The following CYB5R3 variants were observed in gnomAD, a reference collection of about 807,000 sequenced individuals.
CYB5R3 encodes NADH-cytochrome b5 reductase 3.
A neutral mutation model predicts 36.5 loss-of-function variants in CYB5R3; 28 were observed. The ratio of observed to expected loss-of-function variants is 0.77; its 90% CI spans 0.57 to 1.05. CYB5R3 has a LOEUF of 1.05. Ranked by LOEUF, CYB5R3 falls within the 50% of genes least tolerant of loss-of-function variation. CYB5R3 has a pLI of 0.00. For missense variants in CYB5R3, 474 were observed against 408.9 expected, an observed-to-expected ratio of 1.16 and a Z score of -1.37; for synonymous variants, 181 against 159.8, an observed-to-expected ratio of 1.13 and a Z score of -1.00.
chr22:42,630,905 C>T lies in CYB5R3; in HGVS notation c.310G>A (p.Gly104Ser), dbSNP rs1299251737. The change falls in exon 4 of 9, where the codon GGC becomes AGC. Residue 104 changes from glycine (G) to serine (S), a missense_variant. Gly to Ser is a moderately conservative substitution (Grantham distance 56, BLOSUM62 0). Transcript: ENST00000352397. ...YTPISSDDDK[G>S]FVDLVIKVYF... is the part of the protein sequence containing the mutation. Reference sequence around the variant, plus strand: ...ACCTTGATGACCAGGTCCACGAAGCCCTTGTCATCATCGCTGGAGATGGGT... The same window carrying T: ...ACCTTGATGACCAGGTCCACGAAGCTCTTGTCATCATCGCTGGAGATGGGT... 1.2e-6 allele frequency: 2 copies of T among 1,613,836 alleles called. No individual in the cohort carries two copies. Among genetic ancestry groups the T allele is most frequent in the Non-Finnish European group, 1.7e-6 (2 of 1,179,920 alleles).
At position 42,627,349 on chromosome 22, in the gene CYB5R3, C is replaced by G; in HGVS notation, c.588G>C (p.Lys196Asn). 6.2e-7 allele frequency: 1 copy of G among 1,613,994 alleles called. No homozygotes were observed. The highest frequency in any genetic ancestry group is 2.2e-5 in the East Asian group (1 of 44,870). Residue 196 changes from lysine (K) to asparagine (N), a missense_variant, in exon 7 of 9, where the codon AAG becomes AAC. By Grantham distance (94) the Lys-to-Asn change is moderately conservative. Coordinates refer to ENST00000352397, the MANE Select transcript of CYB5R3 (RefSeq NM_000398.7). ...PMLQVIRAIM[K>N]DPDDHTVCHL... Reference sequence around the variant, plus strand: ...GGCACACAGTGTGGTCATCAGGGTCCTTCATGATGGCGCGGATCACCTGCA... The same window carrying G: ...GGCACACAGTGTGGTCATCAGGGTCGTTCATGATGGCGCGGATCACCTGCA...
intron 1 of CYB5R3, among the ~76,000 whole-genome samples, chr22:42,645,356 G>A (rs1929488470): frequency 6.6e-6 from 1 of 152,186 alleles, no homozygotes; most frequent in East Asian, 1.9e-4. Flanking sequence ...CCAGAACCAG[G>A]ACAAGAGCCC....
chr22:42,639,955 A>T lies in CYB5R3; in HGVS notation c.22-3109T>A. On this transcript the variant is annotated intron_variant, in intron 1 of 8. Transcript: ENST00000352397. Reference sequence around the variant, plus strand: ...AAATCAAATATAATCAGATGTTAAGACTGGTCTTCAAACATTCTAGCCAAT... The same window carrying T: ...AAATCAAATATAATCAGATGTTAAGTCTGGTCTTCAAACATTCTAGCCAAT... 3.7e-6 allele frequency: 6 copies of T among 1,607,102 alleles called. 1 individual carries two copies. Among genetic ancestry groups the T allele is most frequent in the Non-Finnish European group, 5.1e-6 (6 of 1,178,626 alleles).
intron 8 of CYB5R3, among the ~76,000 whole-genome samples, chr22:42,620,620 C>T (rs1351947493): frequency 1.3e-5 from 2 of 152,154 alleles, no homozygotes; most frequent in African/African-American, 2.4e-5. Flanking sequence ...AGCCTCAGGC[C>T]AGGAGGGCTG....
At chr22:42,640,323 C>T (rs754371108) in intron 1 of CYB5R3, 2 of 1,467,540 alleles carry the variant, frequency 1.4e-6, no homozygotes, top group African/African-American at 1.4e-5. Context: ...CTGAAGGTCA[C>T]CCCCCGGAAG....
chr22:42,631,248 A>C, intron 3 of CYB5R3, 130 bp downstream of exon 3: 1 of 967,046 alleles, frequency 1.0e-6, no homozygotes, highest in Non-Finnish European at 1.6e-6. Flanking sequence ...TCAAAGGCCC[A>C]GGGCAGCTGT....
intron 1 of CYB5R3, among the ~76,000 whole-genome samples, chr22:42,645,834 G>A (rs907380745): frequency 2.0e-5 from 3 of 152,098 alleles, no homozygotes; most frequent in South Asian, 2.1e-4. Context: ...GACCATCACC[G>A]TCGGTCAGTC....
chr22:42,628,327 G>C lies in CYB5R3; in HGVS notation c.334-46C>G, dbSNP rs1357583493. On this transcript the variant is annotated intron_variant, in intron 4 of 8. Transcript: ENST00000352397. ...CCTCAGTCCCCAGCTCCAGGTCTCA[G>C]GGGCGAGCTCTTGCCCACAGTGGGA... is the stretch of plus-strand genomic sequence containing the variant. 11 of 1,610,372 alleles carry C rather than the reference G, an allele frequency of 6.8e-6. No homozygotes were observed. In the Middle Eastern group the frequency reaches 4.9e-4, roughly 72 times the overall value.
chr22:42,632,856 G>A (rs34373836), intron 2 of CYB5R3: 312 of 152,044 alleles, frequency 2.1e-3, no homozygotes, highest in Non-Finnish European at 3.5e-3. Context: ...GAGAAATCCC[G>A]TCTCTACTAA....
intron 1 of CYB5R3, among the ~76,000 whole-genome samples, chr22:42,648,852 A>ATC (rs1556036171): frequency 2.0e-5 from 3 of 151,606 alleles, no homozygotes; most frequent in Non-Finnish European, 4.4e-5. Context: ...ACACACACAC[A>ATC]CCCCATCACA....
intron 4 of CYB5R3, among the ~76,000 whole-genome samples, chr22:42,628,957 G>A (rs766599237): frequency 6.6e-6 from 1 of 152,098 alleles, no homozygotes; most frequent in Non-Finnish European, 1.5e-5. Flanking sequence ...GAGGCAGAGG[G>A]GAGTGGAGGG....
intron 1 of CYB5R3, among the ~76,000 whole-genome samples, chr22:42,643,365 C>T (rs1040775655): frequency 6.6e-6 from 1 of 152,186 alleles, no homozygotes; most frequent in Non-Finnish European, 1.5e-5. Context: ...CTCACGGGGC[C>T]ACTACCAACT....
rs1302856929 is a variant in CYB5R3, at chr22:42,631,432, G to A, written c.172C>T (p.Arg58Trp). 10 of 1,551,480 alleles carry A rather than the reference G, an allele frequency of 6.4e-6. No homozygotes were observed. The highest frequency in any genetic ancestry group is 4.8e-5 in the South Asian group (4 of 84,058). Reference sequence around the variant, plus strand: ...GACGGCAGGGCAAAGCGGAAGCGCCGGGTGTCATGGCTGATGATCTGGAGA... The same window carrying A: ...GACGGCAGGGCAAAGCGGAAGCGCCAGGTGTCATGGCTGATGATCTGGAGA... ...IDREIISHDTRRFRFALPSPQ... is the reference protein window; with the variant it reads ...IDREIISHDTWRFRFALPSPQ... The change falls in exon 3 of 9, where the codon CGG becomes TGG. Residue 58 changes from arginine to tryptophan, a missense_variant. Transcript: ENST00000352397.
intron 1 of CYB5R3, among the ~76,000 whole-genome samples, chr22:42,647,981 G>A (rs1444316946): frequency 6.6e-6 from 1 of 152,220 alleles, no homozygotes; most frequent in African/African-American, 2.4e-5. Flanking sequence ...GGAAGGGTTG[G>A]GTGGAGACCA....
At chr22:42,628,348 T>C (rs2146878343) in intron 4 of CYB5R3, 67 bp from the exon 5 acceptor site, 1 of 1,600,192 alleles carries the variant, frequency 6.2e-7, no homozygotes, top group African/African-American at 1.3e-5. Flanking sequence ...TTGCCCACAG[T>C]GGGAGACAAG....
intron 4 of CYB5R3, among the ~76,000 whole-genome samples, chr22:42,628,519 C>T (rs1224912306): frequency 6.6e-6 from 1 of 152,196 alleles, no homozygotes; most frequent in Admixed American, 6.5e-5. Context: ...AAACCACCAG[C>T]CTCGTGTACA....
At position 42,620,227 on chromosome 22, in the gene CYB5R3, C is replaced by T. The variant is rs961701408; in HGVS notation, c.734-282G>A. The stretch of plus-strand genomic sequence containing the variant: ...TTGGCCTCCGGGGTGTCCCTTGGAA[C>T]AACCCAGTGGGTGGACAGGGCGGGG... On this transcript the variant is annotated intron_variant, in intron 8 of 8. Coordinates refer to ENST00000352397, the MANE Select transcript of CYB5R3 (RefSeq NM_000398.7). Among the ~76,000 whole-genome samples, 14 of 152,202 alleles carry T rather than the reference C, an allele frequency of 9.2e-5. 1 individual carries two copies. The South Asian group carries it at 2.1e-3, about 22-fold the overall frequency.
intron 2 of CYB5R3, among the ~76,000 whole-genome samples, chr22:42,634,338 G>T (rs1399090447): frequency 1.3e-5 from 2 of 152,030 alleles, no homozygotes; most frequent in Non-Finnish European, 2.9e-5. Context: ...TATAGCCTGG[G>T]CAACGAGAGC....
intron 2 of CYB5R3, among the ~76,000 whole-genome samples, chr22:42,633,555 C>A (rs867563103): frequency 1.3e-5 from 2 of 152,146 alleles, no homozygotes; most frequent in Non-Finnish European, 2.9e-5. Context: ...GAGGTCGAGG[C>A]GGGCGGATCA....
Sources: allele counts gnomAD v4.1 joint callset (sites outside exome capture counted in the v4.1 genomes callset), GRCh38; gene constraint gnomAD v4.1.1; transcripts MANE v1.5; gene names NCBI Gene and HGNC (gene_info 2026-07-23, HGNC 2026-07-21).